CDKAL1: variants seen among roughly 807,000 people sequenced by gnomAD.
The protein encoded by CDKAL1 is CDKAL1 threonylcarbamoyladenosine tRNA methylthiotransferase, also known as threonylcarbamoyladenosine tRNA methylthiotransferase.
Under a neutral mutation model 68.2 loss-of-function variants are expected in CDKAL1, and 32 were observed. The observed-to-expected ratio is 0.47, with a 90% CI of 0.35 to 0.63. The LOEUF (loss-of-function observed/expected upper bound fraction) is 0.63. Ranked by LOEUF, CDKAL1 falls within the 30% of genes least tolerant of loss-of-function variation. The probability of loss-of-function intolerance (pLI) is 0.00; values close to 1 mark genes in which losing one functional copy is unlikely to be tolerated. For missense variants in CDKAL1, 606 were observed against 696.7 expected, an observed-to-expected ratio of 0.87 and a Z score of 1.47; for synonymous variants, 234 against 244.3, an observed-to-expected ratio of 0.96 and a Z score of 0.39.
intron 11 of CDKAL1, among the ~76,000 whole-genome samples, chr6:21,030,622 C>A (rs897556675): frequency 2.0e-5 from 3 of 152,160 alleles, no homozygotes; most frequent in African/African-American, 7.2e-5. Flanking sequence ...TCCCTAACTT[C>A]AAGGTTTTGT....
rs554664904 is a variant in CDKAL1 at position 21,155,131 on chromosome 6, A to G, written c.1300-42890A>G. Among the ~76,000 whole-genome samples the G allele has an allele frequency of 3.4e-4, 52 of 152,342 alleles. No homozygotes were observed. The Middle Eastern group carries it at 0.014, about 40-fold the overall frequency. Reference sequence around the variant, plus strand: ...ATATTTACCACATTTATTACAATATATCTAGAAACTCAGTTGTAAAAAATT... The same window carrying G: ...ATATTTACCACATTTATTACAATATGTCTAGAAACTCAGTTGTAAAAAATT... On this transcript the variant is annotated intron_variant, in intron 13 of 15. Coordinates refer to ENST00000274695, the MANE Select transcript of CDKAL1 (RefSeq NM_017774.3).
intron 5 of CDKAL1, among the ~76,000 whole-genome samples, chr6:20,675,693 A>G (rs188318976): frequency 9.0e-4 from 137 of 152,364 alleles, no homozygotes; most frequent in South Asian, 3.1e-3. Context: ...GTGTACATAC[A>G]TAATACTTGA....
At chr6:21,115,182 A>G (rs957132873) in intron 13 of CDKAL1, among the ~76,000 whole-genome samples, 1 of 152,208 alleles carries the variant, frequency 6.6e-6, no homozygotes, top group Non-Finnish European at 1.5e-5. Flanking sequence ...AGATTTGTCT[A>G]GTGATTTAAG....
chr6:20,675,070 T>C (rs1377880300), intron 5 of CDKAL1, among the ~76,000 whole-genome samples: 2 of 149,088 alleles, frequency 1.3e-5, no homozygotes, highest in African/African-American at 2.5e-5. Context: ...TTTCATATGG[T>C]TTTTTTTTTA....
chr6:21,130,374 G>A (rs1056778267), intron 13 of CDKAL1, among the ~76,000 whole-genome samples: 3 of 151,834 alleles, frequency 2.0e-5, no homozygotes, highest in Non-Finnish European at 4.4e-5. Flanking sequence ...ATAGGCACCC[G>A]CCACCACGCC....
chr6:20,918,257 G>A (rs1298330642), intron 9 of CDKAL1, among the ~76,000 whole-genome samples: 1 of 152,184 alleles, frequency 6.6e-6, no homozygotes, highest in Non-Finnish European at 1.5e-5. Flanking sequence ...CAAGCTAACA[G>A]AATTGTAAGC....
chr6:20,862,529 C>T (rs1173965028), intron 9 of CDKAL1, among the ~76,000 whole-genome samples: 2 of 152,088 alleles, frequency 1.3e-5, no homozygotes, highest in Non-Finnish European at 2.9e-5. Context: ...TATTACTGTT[C>T]TTAATGATAT....
At chr6:21,205,832 T>G (rs1458094167) in intron 15 of CDKAL1, among the ~76,000 whole-genome samples, 4 of 81,132 alleles carry the variant, frequency 4.9e-5, no homozygotes, top group Non-Finnish European at 9.4e-5. Context: ...CGCCCAGCCT[T>G]TTTTTTTTTT....
chr6:20,929,431 A>G (rs998235503), intron 9 of CDKAL1, among the ~76,000 whole-genome samples: 3 of 152,220 alleles, frequency 2.0e-5, no homozygotes, highest in Admixed American at 1.3e-4. Context: ...TCACAGAGGC[A>G]GTGGTAGAAA....
chr6:21,138,611 T>C (rs1775739109), intron 13 of CDKAL1, among the ~76,000 whole-genome samples: 1 of 152,244 alleles, frequency 6.6e-6, no homozygotes, highest in Non-Finnish European at 1.5e-5. Flanking sequence ...TCAGTACTCA[T>C]AAAATCTCTT....
At chr6:21,138,227 ATGTGTGTGTC>A (rs1201281672) in intron 13 of CDKAL1, among the ~76,000 whole-genome samples, 1 of 48,658 alleles carries the variant, frequency 2.1e-5, no homozygotes, top group Non-Finnish European at 3.5e-5. Flanking sequence ...GTGTGTGTGT[ATGTGTGTGTC>A]TGTGTGTGTG....
intron 5 of CDKAL1, among the ~76,000 whole-genome samples, chr6:20,696,191 C>A (rs966693831): frequency 5.3e-5 from 8 of 152,312 alleles, no homozygotes; most frequent in Admixed American, 2.0e-4. Flanking sequence ...CATGGGGAGA[C>A]CCCAGAAATA....
At chr6:20,701,128 T>G (rs1266146638) in intron 5 of CDKAL1, among the ~76,000 whole-genome samples, 1 of 152,174 alleles carries the variant, frequency 6.6e-6, no homozygotes, top group Non-Finnish European at 1.5e-5. Context: ...ACCAGATTTG[T>G]TCCTGGTCCA....
rs1240548901 is a variant in CDKAL1 at position 20,663,325 on chromosome 6, G to A, written c.371+13948G>A. On this transcript the variant is annotated intron_variant, in intron 5 of 15. Transcript: ENST00000274695. ...AGGGAGATGGGGCTAATGTTTATTGGCTTGATATCTCTGCTATAGGGTATA... is the reference window on the plus strand; with the variant it reads ...AGGGAGATGGGGCTAATGTTTATTGACTTGATATCTCTGCTATAGGGTATA... Among the ~76,000 whole-genome samples the A allele has an allele frequency of 3.9e-5, 6 of 151,986 alleles. No homozygotes were observed. The East Asian group carries it at 5.8e-4, about 15-fold the overall frequency.
At chr6:20,719,644 T>C (rs1231499582) in intron 5 of CDKAL1, among the ~76,000 whole-genome samples, 1 of 152,216 alleles carries the variant, frequency 6.6e-6, no homozygotes. Flanking sequence ...TTAACCTCTA[T>C]TGTAAAATAC....
chr6:21,160,390 C>T (rs1015212484), intron 13 of CDKAL1, among the ~76,000 whole-genome samples: 33 of 151,578 alleles, frequency 2.2e-4, no homozygotes, highest in Non-Finnish European at 2.5e-4. Context: ...CTCTGCCTCC[C>T]GGGTTCAAGT....
At chr6:21,174,788 G>A (rs1176782115) in intron 13 of CDKAL1, among the ~76,000 whole-genome samples, 1 of 151,986 alleles carries the variant, frequency 6.6e-6, no homozygotes, top group Admixed American at 6.5e-5. Context: ...CTTCAACCTA[G>A]TAATTCCACT....
intron 4 of CDKAL1, among the ~76,000 whole-genome samples, chr6:20,605,936 C>A (rs902222571): frequency 6.6e-6 from 1 of 152,204 alleles, no homozygotes; most frequent in Non-Finnish European, 1.5e-5. Context: ...CTTACAAACT[C>A]TAGCAAGCCT....
intron 11 of CDKAL1, among the ~76,000 whole-genome samples, chr6:21,045,356 G>T (rs1327597993): frequency 6.6e-6 from 1 of 152,166 alleles, no homozygotes; most frequent in Non-Finnish European, 1.5e-5. Context: ...TGTAATCAGT[G>T]CTACTTTCTA....
Sources: allele counts gnomAD v4.1 joint callset (sites outside exome capture counted in the v4.1 genomes callset), GRCh38; gene constraint gnomAD v4.1.1; transcripts MANE v1.5; gene names NCBI Gene and HGNC (gene_info 2026-07-23, HGNC 2026-07-21).